ATP6V1H: variants seen among roughly 807,000 people sequenced by gnomAD.
ATP6V1H encodes the protein ATPase H+ transporting V1 subunit H.
ATP6V1H carries 39 observed loss-of-function variants against 71.7 expected under a neutral mutation model. The observed-to-expected ratio is 0.54, with a 90% CI of 0.42 to 0.71. ATP6V1H has a LOEUF of 0.71. Among genes scored for constraint, ATP6V1H ranks in the 30% least tolerant of loss-of-function variants. The pLI, the probability that ATP6V1H is intolerant of heterozygous loss-of-function variation, is 0.00. For missense variants in ATP6V1H, 509 were observed against 594.9 expected, an observed-to-expected ratio of 0.86 and a Z score of 1.50; for synonymous variants, 192 against 199.3, an observed-to-expected ratio of 0.96 and a Z score of 0.31.
At chr8:53,793,304 T>C (rs1364751173) in intron 9 of ATP6V1H, among the ~76,000 whole-genome samples, 1 of 152,166 alleles carries the variant, frequency 6.6e-6, no homozygotes, top group Non-Finnish European at 1.5e-5. Context: ...GTGATGGAAA[T>C]GTAAATCTGC....
chr8:53,719,156 T>C (rs80332917), intron 13 of ATP6V1H, among the ~76,000 whole-genome samples: 3,997 of 152,182 alleles, frequency 0.026, 175 homozygotes, highest in African/African-American at 0.089. Flanking sequence ...CGAACTTGGC[T>C]TTTATGTATT....
At chr8:53,780,086 G>C (rs1809050621) in intron 9 of ATP6V1H, among the ~76,000 whole-genome samples, 2 of 151,104 alleles carry the variant, frequency 1.3e-5, no homozygotes, top group African/African-American at 2.4e-5. Flanking sequence ...TTGAACACAG[G>C]AGGTAGAGGT....
intron 13 of ATP6V1H, among the ~76,000 whole-genome samples, chr8:53,736,313 C>T (rs1008351408): frequency 6.6e-6 from 1 of 152,140 alleles, no homozygotes; most frequent in Non-Finnish European, 1.5e-5. Context: ...CCTCCCTTAG[C>T]CGAAAACATT....
intron 9 of ATP6V1H, among the ~76,000 whole-genome samples, chr8:53,775,187 T>C (rs984407278): frequency 2.6e-5 from 4 of 151,822 alleles, no homozygotes; most frequent in East Asian, 1.9e-4. Flanking sequence ...AGGCGGCGCA[T>C]GTGGAGTTGT....
chr8:53,842,821 T>A (rs557406596), intron 1 of ATP6V1H: 2 of 152,214 alleles, frequency 1.3e-5, no homozygotes, highest in African/African-American at 2.4e-5. Flanking sequence ...TGCCCGCCCC[T>A]GACGTTTCTT....
intron 8 of ATP6V1H, among the ~76,000 whole-genome samples, chr8:53,796,910 G>A (rs1430502841): frequency 6.6e-6 from 1 of 152,134 alleles, no homozygotes; most frequent in Non-Finnish European, 1.5e-5. Context: ...GCTTTTATCT[G>A]TGTCATTTCT....
chr8:53,838,768 C>T (rs1399644759), intron 2 of ATP6V1H, among the ~76,000 whole-genome samples: 1 of 152,128 alleles, frequency 6.6e-6, no homozygotes, highest in African/African-American at 2.4e-5. Context: ...GTTTCAAATA[C>T]TGTATTTTCA....
chr8:53,772,516 T>G (rs890327153), intron 9 of ATP6V1H, among the ~76,000 whole-genome samples: 1 of 152,154 alleles, frequency 6.6e-6, no homozygotes, highest in African/African-American at 2.4e-5. Flanking sequence ...CTAGAGCACA[T>G]ACAATACTAA....
Position 53,841,736 on chromosome 8 carries a change from G to T in ATP6V1H, c.-35-11C>A. 6.2e-7 allele frequency: 1 copy of T among 1,602,296 alleles called. No homozygotes were observed. Among genetic ancestry groups the T allele is most frequent in the South Asian group, 1.1e-5 (1 of 89,060 alleles). Reference sequence around the variant, plus strand: ...TGTCTTTCAACAAATCTTCAATTTTGATGCAAGGTAAAAACAGAATACGAG... The same window carrying T: ...TGTCTTTCAACAAATCTTCAATTTTTATGCAAGGTAAAAACAGAATACGAG... On this transcript the variant is annotated splice_polypyrimidine_tract_variant and intron_variant, in intron 1 of 13. Coordinates refer to ENST00000359530, the MANE Select transcript of ATP6V1H (RefSeq NM_015941.4).
At chr8:53,770,095 TCCCA>T (rs1018470938) in intron 10 of ATP6V1H, among the ~76,000 whole-genome samples, 1 of 152,104 alleles carries the variant, frequency 6.6e-6, no homozygotes, top group African/African-American at 2.4e-5. Context: ...ATACTGTATT[TCCCA>T]GACCAACAGG....
rs564202217 is a variant in ATP6V1H at position 53,769,771 on chromosome 8, G to GTT, written c.1050-30_1050-29dup. The GTT allele has an allele frequency of 4.0e-4, 630 of 1,566,682 alleles. 2 individuals are homozygous for GTT. The African/African-American group carries it at 8.0e-3, about 20-fold the overall frequency. On this transcript the variant is annotated intron_variant, in intron 10 of 13. Transcript: ENST00000359530. ...ATAAAAATGTTCAAAAGAATTCAAGGTTTATAAGAATCTGACAGTACTCCA... is the reference window on the plus strand; with the variant it reads ...ATAAAAATGTTCAAAAGAATTCAAGGTTTTTATAAGAATCTGACAGTACTCCA...
chr8:53,755,745 T>TATATATATATATA (rs1808027276), intron 12 of ATP6V1H, among the ~76,000 whole-genome samples: 1 of 1,918 alleles, frequency 5.2e-4, no homozygotes, highest in Non-Finnish European at 9.5e-4. Flanking sequence ...TATATATATA[T>TATATATATATATA]TTTTTTTTTT....
intron 9 of ATP6V1H, among the ~76,000 whole-genome samples, chr8:53,781,436 T>C (rs1809127193): frequency 6.6e-6 from 1 of 152,244 alleles, no homozygotes; most frequent in Non-Finnish European, 1.5e-5. Flanking sequence ...AGATTCTGGA[T>C]ATTAGCCTTT....
chr8:53,809,233 A>G lies in ATP6V1H; in HGVS notation c.579+1931T>C, dbSNP rs561250747. ...TGACCTACATTGAACAGGGAGTGTAAATATTCAAGGAGATGTAAATGTAAA... is the reference window on the plus strand; with the variant it reads ...TGACCTACATTGAACAGGGAGTGTAGATATTCAAGGAGATGTAAATGTAAA... On this transcript the variant is annotated intron_variant, in intron 7 of 13. Transcript: ENST00000359530. Among the ~76,000 whole-genome samples, 6 of 152,312 alleles carry G rather than the reference A, an allele frequency of 3.9e-5. No homozygotes were observed. In the South Asian group the frequency reaches 1.2e-3, roughly 32 times the overall value.
At chr8:53,838,126 T>C (rs749338666) in intron 2 of ATP6V1H, among the ~76,000 whole-genome samples, 18 of 63,628 alleles carry the variant, frequency 2.8e-4, no homozygotes, top group Non-Finnish European at 3.8e-4. Context: ...CCTGTTACTG[T>C]CTTTTTTTTT....
intron 6 of ATP6V1H, among the ~76,000 whole-genome samples, chr8:53,813,784 C>T (rs552568681): frequency 3.0e-4 from 46 of 152,290 alleles, no homozygotes; most frequent in Non-Finnish European, 6.2e-4. Context: ...TCTTCCTCCA[C>T]GAAGACATAG....
At chr8:53,726,133 A>G (rs1238581743) in intron 13 of ATP6V1H, among the ~76,000 whole-genome samples, 1 of 152,224 alleles carries the variant, frequency 6.6e-6, no homozygotes, top group Non-Finnish European at 1.5e-5. Context: ...TTCTAGTGCT[A>G]TGCCACAAAT....
rs189099707 is a variant in ATP6V1H at position 53,786,430 on chromosome 8, G to A, written c.870+9217C>T. On this transcript the variant is annotated intron_variant, in intron 9 of 13. Transcript: ENST00000359530. ...GGAGTGACCCAATTTTCCAGGTGCCGTCTGTCACCCCTTTCTTTGACTAGG... is the reference window on the plus strand; with the variant it reads ...GGAGTGACCCAATTTTCCAGGTGCCATCTGTCACCCCTTTCTTTGACTAGG... Among the ~76,000 whole-genome samples, 341 of 152,284 alleles carry A rather than the reference G, an allele frequency of 2.2e-3. 1 individual carries two copies. The highest frequency in any genetic ancestry group is 6.4e-3 in the African/African-American group (264 of 41,564).
rs141923261 is a variant in ATP6V1H, at chr8:53,804,922, T to G, written c.580-3026A>C. On this transcript the variant is annotated intron_variant, in intron 7 of 13. Transcript: ENST00000359530. Reference sequence around the variant, plus strand: ...AATGCAAGCTCTTACTATATTACAGTGAAAGTCACAACACAAAGATAATAG... The same window carrying G: ...AATGCAAGCTCTTACTATATTACAGGGAAAGTCACAACACAAAGATAATAG... 7.5e-4 allele frequency among the ~76,000 whole-genome samples: 114 copies of G among 152,258 alleles called. 1 individual carries two copies. The highest frequency in any genetic ancestry group is 2.4e-3 in the Admixed American group (37 of 15,288).
Sources: allele counts gnomAD v4.1 joint callset (sites outside exome capture counted in the v4.1 genomes callset), GRCh38; gene constraint gnomAD v4.1.1; transcripts MANE v1.5; gene names NCBI Gene and HGNC (gene_info 2026-07-23, HGNC 2026-07-21).